Variants in LIN9 observed in about 807,000 individuals in gnomAD.
LIN9 encodes the protein lin-9 DREAM MuvB core complex component.
A neutral mutation model predicts 78.0 loss-of-function variants in LIN9; 18 were observed. The observed-to-expected ratio is 0.23, with a 90% CI of 0.16 to 0.34. LIN9 has a LOEUF of 0.34. Among genes scored for constraint, LIN9 ranks in the 10% least tolerant of loss-of-function variants. The probability of loss-of-function intolerance (pLI) is 1.00; values close to 1 mark genes in which losing one functional copy is unlikely to be tolerated. For missense variants in LIN9, 451 were observed against 644.1 expected, an observed-to-expected ratio of 0.70 and a Z score of 3.25; for synonymous variants, 192 against 215.2, an observed-to-expected ratio of 0.89 and a Z score of 0.94.
At chr1:226,256,971 T>C (rs1006523864) in intron 10 of LIN9, among the ~76,000 whole-genome samples, 38 of 152,224 alleles carry the variant, frequency 2.5e-4, no homozygotes, top group African/African-American at 8.4e-4. Context: ...TCTTTTTTTC[T>C]GAGACGGAAT....
chr1:226,301,160 C>A lies in LIN9; in HGVS notation c.64+13G>T. 6.3e-7 allele frequency: 1 copy of A among 1,591,468 alleles called. No homozygotes were observed. ...TTTAGCTATGGTATACCTAAAAATG[C>A]TATACTTCTTACCTTTTAAACTGAC... On this transcript the variant is annotated intron_variant, in intron 2 of 14. Transcript: ENST00000681046.
At chr1:226,306,302 T>G (rs2102690367) in intron 1 of LIN9, among the ~76,000 whole-genome samples, 1 of 151,632 alleles carries the variant, frequency 6.6e-6, no homozygotes, top group South Asian at 2.1e-4. Flanking sequence ...CCAGCCTAGG[T>G]GACACAGCAA....
At chr1:226,282,140 A>G (rs1194445543) in intron 6 of LIN9, among the ~76,000 whole-genome samples, 3 of 152,114 alleles carry the variant, frequency 2.0e-5, no homozygotes, top group Non-Finnish European at 4.4e-5. Flanking sequence ...AATCATTTCC[A>G]TATTAGTACA....
chr1:226,306,456 G>A (rs1156287432), intron 1 of LIN9, among the ~76,000 whole-genome samples: 3 of 152,160 alleles, frequency 2.0e-5, no homozygotes, highest in African/African-American at 7.2e-5. Context: ...GACTGAGGTG[G>A]ATTTTAAACC....
intron 4 of LIN9, among the ~76,000 whole-genome samples, chr1:226,289,514 C>T (rs1200393988): frequency 1.3e-5 from 2 of 151,908 alleles, no homozygotes; most frequent in Non-Finnish European, 2.9e-5. Context: ...AGGCATGTGC[C>T]ACCACACTGG....
At chr1:226,292,994 C>T (rs544890980) in intron 4 of LIN9, among the ~76,000 whole-genome samples, 1 of 152,152 alleles carries the variant, frequency 6.6e-6, no homozygotes, top group South Asian at 2.1e-4. Context: ...CTATGAAGTG[C>T]TTAGAACAGG....
intron 7 of LIN9, among the ~76,000 whole-genome samples, chr1:226,270,566 T>G (rs1033196332): frequency 5.9e-5 from 9 of 151,856 alleles, no homozygotes; most frequent in African/African-American, 2.2e-4. Flanking sequence ...AGGCTGGGCG[T>G]GGTGGCTCAC....
At chr1:226,297,406 C>CAT (rs1662223501) in intron 3 of LIN9, among the ~76,000 whole-genome samples, 1 of 152,038 alleles carries the variant, frequency 6.6e-6, no homozygotes, top group African/African-American at 2.4e-5. Context: ...TACCTTACCA[C>CAT]ATATATATAT....
intron 11 of LIN9, among the ~76,000 whole-genome samples, chr1:226,239,700 T>C (rs1015186512): frequency 6.6e-6 from 1 of 152,220 alleles, no homozygotes; most frequent in East Asian, 1.9e-4. Flanking sequence ...TAATACATGC[T>C]AGCACAGTGC....
At chr1:226,249,674 C>G (rs1259303077) in intron 11 of LIN9, among the ~76,000 whole-genome samples, 1 of 152,162 alleles carries the variant, frequency 6.6e-6, no homozygotes, top group African/African-American at 2.4e-5. Context: ...ACAACAGACA[C>G]TGATCATCAG....
intron 1 of LIN9, among the ~76,000 whole-genome samples, chr1:226,306,491 G>C (rs1348878647): frequency 1.3e-5 from 2 of 152,140 alleles, no homozygotes; most frequent in African/African-American, 2.4e-5. Flanking sequence ...GGCCTTTGAA[G>C]CATCTAAGAA....
At chr1:226,275,693 G>GAAAAAA (rs1272770989) in intron 7 of LIN9, among the ~76,000 whole-genome samples, 2 of 128,748 alleles carry the variant, frequency 1.6e-5, no homozygotes, top group South Asian at 2.4e-4. Context: ...CTCCGTCTCA[G>GAAAAAA]AAAAAAAAAA....
chr1:226,291,596 T>C (rs1255433951), intron 4 of LIN9, among the ~76,000 whole-genome samples: 2 of 152,036 alleles, frequency 1.3e-5, no homozygotes, highest in Non-Finnish European at 2.9e-5. Flanking sequence ...GAATGGTAAG[T>C]TAGGGTCAAA....
At chr1:226,282,982 G>A (rs1314668595) in intron 6 of LIN9, among the ~76,000 whole-genome samples, 3 of 152,024 alleles carry the variant, frequency 2.0e-5, no homozygotes, top group African/African-American at 7.2e-5. Context: ...AAACAGACAG[G>A]GTCTCCCTTT....
At chr1:226,258,894 CA>C (rs770169450) in intron 10 of LIN9, among the ~76,000 whole-genome samples, 23 of 54,776 alleles carry the variant, frequency 4.2e-4, no homozygotes, top group East Asian at 1.2e-3. Context: ...TCTGTCTCAA[CA>C]AAAAAAAAAA....
upstream of LIN9, chr1:226,309,242 G>T: frequency 1.5e-6 from 2 of 1,360,290 alleles, no homozygotes; most frequent in Non-Finnish European, 1.9e-6. Flanking sequence ...CTCGCTGCCC[G>T]CGGCGCCGCG....
chr1:226,243,735 A>T (rs17263666), intron 11 of LIN9, among the ~76,000 whole-genome samples: 1 of 147,028 alleles, frequency 6.8e-6, no homozygotes, highest in African/African-American at 2.5e-5. Flanking sequence ...TCCTCAAAAA[A>T]ACCCAATAGT....
chr1:226,305,315 G>GAA (rs111859953), intron 1 of LIN9, among the ~76,000 whole-genome samples: 75 of 77,510 alleles, frequency 9.7e-4, no homozygotes, highest in East Asian at 1.9e-3. Context: ...ACAAAAAAAA[G>GAA]AAAAAAAAAA....
intron 11 of LIN9, among the ~76,000 whole-genome samples, chr1:226,246,271 A>G (rs1291449829): frequency 1.3e-5 from 2 of 152,174 alleles, no homozygotes; most frequent in African/African-American, 4.8e-5. Flanking sequence ...TTTATCCTTG[A>G]AGGCATTTTC....
Sources: gnomAD v4.1 joint callset for allele counts (sites outside exome capture counted in the v4.1 genomes callset) on GRCh38, gnomAD v4.1.1 for gene constraint, MANE v1.5 for transcripts, NCBI Gene and HGNC (gene_info 2026-07-23, HGNC 2026-07-21) for gene names.